Variants in WDR70 observed in about 807,000 individuals in gnomAD.
WDR70 encodes WD repeat domain 70.
In WDR70, 53 loss-of-function variants were observed where a neutral mutation model predicts 88.6. The ratio of observed to expected loss-of-function variants is 0.60; its 90% CI spans 0.48 to 0.75. The LOEUF (loss-of-function observed/expected upper bound fraction) is 0.75, where lower values mean the gene tolerates loss of function less well. WDR70 is among the 30% of genes least tolerant of loss of function. WDR70 has a pLI of 0.00. For synonymous variants in WDR70, 280 were observed against 270.0 expected, an observed-to-expected ratio of 1.04 and a Z score of -0.36; for missense variants, 610 against 823.2, an observed-to-expected ratio of 0.74 and a Z score of 3.17.
chr5:37,627,535 C>G (rs1197188564), intron 10 of WDR70, among the ~76,000 whole-genome samples: 1 of 151,822 alleles, frequency 6.6e-6, no homozygotes. Context: ...TATTTGAAAT[C>G]TTTTTATTTT....
chr5:37,620,319 G>T (rs932338713), intron 10 of WDR70, among the ~76,000 whole-genome samples: 4 of 152,078 alleles, frequency 2.6e-5, no homozygotes, highest in African/African-American at 9.7e-5. Flanking sequence ...TTTTGACCTG[G>T]GTGGTAAACA....
chr5:37,583,269 A>G (rs759904603), intron 9 of WDR70, among the ~76,000 whole-genome samples: 7 of 152,070 alleles, frequency 4.6e-5, no homozygotes, highest in Non-Finnish European at 7.4e-5. Flanking sequence ...TACTAAAAAT[A>G]CAAAAAGTTA....
intron 8 of WDR70, among the ~76,000 whole-genome samples, chr5:37,510,713 C>T (rs1740698813): frequency 1.3e-5 from 2 of 152,224 alleles, no homozygotes; most frequent in South Asian, 4.1e-4. Context: ...GTTCCAGGCT[C>T]TGATCAAGAT....
At chr5:37,696,677 G>A (rs754302203) in intron 10 of WDR70, among the ~76,000 whole-genome samples, 8 of 86,258 alleles carry the variant, frequency 9.3e-5, no homozygotes, top group Non-Finnish European at 1.9e-4. Context: ...ACACACACGC[G>A]CGTGCACACA....
rs558265539 is a variant in WDR70, at chr5:37,606,223, G to A, written c.1092+985G>A. On this transcript the variant is annotated intron_variant, in intron 10 of 17. Coordinates refer to ENST00000265107, the MANE Select transcript of WDR70 (RefSeq NM_018034.4). ...AGAAGGTTAAAAAGTGTTGATAGACGGGAAAAGAATCTATACTGATAATGC... is the reference window on the plus strand; with the variant it reads ...AGAAGGTTAAAAAGTGTTGATAGACAGGAAAAGAATCTATACTGATAATGC... Among the ~76,000 whole-genome samples, 13 of 152,224 alleles carry A rather than the reference G, an allele frequency of 8.5e-5. No homozygotes were observed. In the South Asian group the frequency reaches 1.7e-3, roughly 19 times the overall value.
At chr5:37,736,613 G>GTT (rs10718548) in intron 17 of WDR70, among the ~76,000 whole-genome samples, 6 of 134,566 alleles carry the variant, frequency 4.5e-5, no homozygotes, top group Non-Finnish European at 4.9e-5. Flanking sequence ...GGTGTATGTA[G>GTT]TTTTTTTTTT....
intron 5 of WDR70, among the ~76,000 whole-genome samples, chr5:37,399,341 A>G (rs1423626299): frequency 6.6e-6 from 1 of 152,118 alleles, no homozygotes; most frequent in African/African-American, 2.4e-5. Flanking sequence ...GAATTGCTTG[A>G]ACCCGCAAGG....
At chr5:37,715,369 C>A (rs2112685259) in intron 13 of WDR70, among the ~76,000 whole-genome samples, 1 of 146,248 alleles carries the variant, frequency 6.8e-6, no homozygotes, top group Non-Finnish European at 1.5e-5. Flanking sequence ...ACAGTTGCCA[C>A]AAGTCTGGCC....
chr5:37,498,755 G>A (rs1271024239), intron 8 of WDR70, among the ~76,000 whole-genome samples: 1 of 152,114 alleles, frequency 6.6e-6, no homozygotes, highest in Non-Finnish European at 1.5e-5. Context: ...CTGTACCATT[G>A]GCAAAATATG....
intron 7 of WDR70, among the ~76,000 whole-genome samples, chr5:37,457,194 C>G (rs1180941751): frequency 6.6e-6 from 1 of 152,114 alleles, no homozygotes; most frequent in Non-Finnish European, 1.5e-5. Flanking sequence ...CTCCTGGGTT[C>G]AAGCAATTCT....
chr5:37,690,406 G>A lies in WDR70; in HGVS notation c.1093-7249G>A, dbSNP rs559257726. Among the ~76,000 whole-genome samples the A allele has an allele frequency of 4.6e-5, 7 of 152,226 alleles. No individual in the cohort carries two copies. In the East Asian group the frequency reaches 9.7e-4, roughly 21 times the overall value. ...AAGAGCAACCCCAAGACACATAATT[G>A]TCAGATTCACCAAGCTTGAAATGAA... On this transcript the variant is annotated intron_variant, in intron 10 of 17. Transcript: ENST00000265107.
intron 10 of WDR70, among the ~76,000 whole-genome samples, chr5:37,619,579 T>C (rs1744448574): frequency 6.6e-6 from 1 of 152,182 alleles, no homozygotes; most frequent in South Asian, 2.1e-4. Flanking sequence ...GCTTTTTATA[T>C]ACACAAAGTA....
intron 8 of WDR70, among the ~76,000 whole-genome samples, chr5:37,494,950 G>A (rs1561874716): frequency 6.6e-6 from 1 of 152,200 alleles, no homozygotes; most frequent in Non-Finnish European, 1.5e-5. Flanking sequence ...CCCTGTTTTT[G>A]TAAATAAAAG....
intron 9 of WDR70, among the ~76,000 whole-genome samples, chr5:37,572,820 G>A (rs1484338989): frequency 6.6e-6 from 1 of 152,110 alleles, no homozygotes; most frequent in Admixed American, 6.5e-5. Flanking sequence ...CACAAATCAA[G>A]TCATGTAACT....
chr5:37,499,457 T>G (rs1740328959), intron 8 of WDR70, among the ~76,000 whole-genome samples: 1 of 151,910 alleles, frequency 6.6e-6, no homozygotes, highest in African/African-American at 2.4e-5. Context: ...AGTGTCTATA[T>G]TCAATTTTTT....
intron 10 of WDR70, among the ~76,000 whole-genome samples, chr5:37,668,572 A>G (rs912521076): frequency 3.5e-4 from 53 of 152,350 alleles, no homozygotes; most frequent in African/African-American, 1.3e-3. Flanking sequence ...TGCATTAGCC[A>G]TAAGGGGTTT....
chr5:37,528,072 G>T (rs573243885), intron 9 of WDR70, among the ~76,000 whole-genome samples: 5 of 152,300 alleles, frequency 3.3e-5, no homozygotes, highest in Middle Eastern at 3.4e-3. Context: ...ACAGTGTGGT[G>T]ATTCCTCGAG....
In WDR70 at chr5:37,724,920, G is replaced by T. The variant is rs751798229; in HGVS notation, c.1598-14G>T. 6.2e-7 allele frequency: 1 copy of T among 1,610,888 alleles called. No individual in the cohort carries two copies. The highest frequency in any genetic ancestry group is 8.5e-7 in the Non-Finnish European group (1 of 1,178,118). ...ATTGTTATAATGAAATTTTTCAAATGTGACTTCTTGTAGCTCATGCCTTGC... is the reference window on the plus strand; with the variant it reads ...ATTGTTATAATGAAATTTTTCAAATTTGACTTCTTGTAGCTCATGCCTTGC... On this transcript the variant is annotated splice_polypyrimidine_tract_variant and intron_variant, in intron 15 of 17. Transcript: ENST00000265107.
At chr5:37,489,792 CA>C (rs1403997617) in intron 8 of WDR70, among the ~76,000 whole-genome samples, 2 of 148,300 alleles carry the variant, frequency 1.3e-5, no homozygotes, top group Non-Finnish European at 3.0e-5. Context: ...CAGTGTCAGG[CA>C]TTTTTTTTTT....
Sources: allele counts gnomAD v4.1 joint callset (sites outside exome capture counted in the v4.1 genomes callset), GRCh38; gene constraint gnomAD v4.1.1; transcripts MANE v1.5; gene names NCBI Gene and HGNC (gene_info 2026-07-23, HGNC 2026-07-21).